The following PRICKLE2 variants were observed in gnomAD, a reference collection of about 807,000 sequenced individuals.
The protein encoded by PRICKLE2 is prickle-like protein 2.
A neutral mutation model predicts 81.4 loss-of-function variants in PRICKLE2; 21 were observed. The observed-to-expected ratio is 0.26, with a 90% CI of 0.18 to 0.37. PRICKLE2 has a LOEUF of 0.37. Ranked by LOEUF, PRICKLE2 falls within the 10% of genes least tolerant of loss-of-function variation. PRICKLE2 has a pLI of 1.00. For synonymous variants in PRICKLE2, 456 were observed against 421.5 expected, an observed-to-expected ratio of 1.08 and a Z score of -1.00; for missense variants, 940 against 1,109.0, an observed-to-expected ratio of 0.85 and a Z score of 2.16.
rs575740597 is a variant in PRICKLE2 at position 64,152,028 on chromosome 3, G to A, written c.787+1154C>T. 1.8e-4 allele frequency among the ~76,000 whole-genome samples: 28 copies of A among 152,302 alleles called. 1 individual carries two copies. The highest frequency in any genetic ancestry group is 4.8e-4 in the African/African-American group (20 of 41,572). ...AATGACAAAGCACCGTTGAGCACAC[G>A]CTAGCTGTCTTGTCCACAAAGCCAG... On this transcript the variant is annotated intron_variant, in intron 6 of 7. Transcript: ENST00000638394.
intron 2 of PRICKLE2, among the ~76,000 whole-genome samples, chr3:64,250,308 T>C (rs747150174): frequency 6.6e-6 from 1 of 152,248 alleles, no homozygotes; most frequent in Non-Finnish European, 1.5e-5. Context: ...CTCTGACTTC[T>C]ACCTATTAGA....
chr3:64,258,460 G>T (rs922798206), intron 2 of PRICKLE2, among the ~76,000 whole-genome samples: 13 of 152,108 alleles, frequency 8.5e-5, no homozygotes, highest in Non-Finnish European at 1.8e-4. Flanking sequence ...AGGCAGCCAG[G>T]TATGCAAGAG....
chr3:64,259,780 A>G (rs893251416), intron 2 of PRICKLE2, among the ~76,000 whole-genome samples: 2 of 152,166 alleles, frequency 1.3e-5, no homozygotes, highest in African/African-American at 4.8e-5. Flanking sequence ...TGCGGCTGTA[A>G]CCATGGAAAG....
chr3:64,202,645 CGTGTGTGT>C (rs71099794), intron 1 of PRICKLE2, among the ~76,000 whole-genome samples: 8 of 149,324 alleles, frequency 5.4e-5, no homozygotes, highest in East Asian at 3.9e-4. Flanking sequence ...TACTTGTGTG[CGTGTGTGT>C]GTGTGTGTGT....
At chr3:64,221,334 A>G (rs1453695263) in intron 1 of PRICKLE2, among the ~76,000 whole-genome samples, 5 of 152,010 alleles carry the variant, frequency 3.3e-5, no homozygotes, top group Admixed American at 2.6e-4. Context: ...AACTGCTCAG[A>G]CAATAGGCCA....
At chr3:64,266,562 T>G (rs1409755593) in intron 2 of PRICKLE2, among the ~76,000 whole-genome samples, 1 of 152,172 alleles carries the variant, frequency 6.6e-6, no homozygotes, top group East Asian at 1.9e-4. Flanking sequence ...CATATATAAA[T>G]TCTTCACTGC....
Position 64,099,595 on chromosome 3 carries a change from G to A in PRICKLE2, c.1991C>T (p.Pro664Leu). 6.2e-7 allele frequency: 1 copy of A among 1,613,864 alleles called. No individual in the cohort carries two copies. The highest frequency in any genetic ancestry group is 8.5e-7 in the Non-Finnish European group (1 of 1,180,024). ...TCTTCTCCGGGTGCGTTCACTCATG[G>A]GCTGGATCCTCACGCCCTCCTGCCC... ...LPGQEGVRIQPMSERTRRRAT... is the reference protein window; with the variant it reads ...LPGQEGVRIQLMSERTRRRAT... Residue 664 changes from proline to leucine, a missense_variant, in exon 8 of 8, where the codon CCC (proline) becomes CTC (leucine). Physicochemically the swap from Pro to Leu is moderately conservative, Grantham distance 98. Around this residue, in one of 2 missense-constraint regions of PRICKLE2, gnomAD observed 670 missense variants for 717.2 expected, o/e 0.93. Transcript: ENST00000638394. This position sits in a 1 kb window ranked among gnomAD's most constrained non-coding sequence, Gnocchi z 4.3.
rs767729799 is a variant in PRICKLE2 at position 64,147,185 on chromosome 3, A to G, written c.1305T>C (p.Ala435=). ...RTSYSPGGQG[A]GAQPEMWGKH... is the part of the protein sequence containing the mutation. ...TGCCCCACATTTCGGGCTGGGCCCC[A>G]GCCCCTTGCCCTCCTGGACTGTAGG... The change falls in exon 7 of 8, where the codon GCT becomes GCC. Residue 435 remains alanine, a synonymous_variant. Coordinates refer to ENST00000638394, the MANE Select transcript of PRICKLE2 (RefSeq NM_198859.4). This position sits in a 1 kb window ranked among gnomAD's most constrained non-coding sequence, Gnocchi z 5.0. 6.2e-7 allele frequency: 1 copy of G among 1,613,806 alleles called. No individual in the cohort carries two copies. The highest frequency in any genetic ancestry group is 1.1e-5 in the South Asian group (1 of 91,028).
chr3:64,258,869 G>GAAAGAAAT (rs2079572369), intron 2 of PRICKLE2, among the ~76,000 whole-genome samples: 1 of 143,846 alleles, frequency 7.0e-6, no homozygotes, highest in Non-Finnish European at 1.5e-5. Context: ...AAGAAAGAAA[G>GAAAGAAAT]AAAGAAAGAA....
At chr3:64,181,152 G>C (rs1409457526) in intron 2 of PRICKLE2, among the ~76,000 whole-genome samples, 2 of 152,118 alleles carry the variant, frequency 1.3e-5, no homozygotes, top group Non-Finnish European at 2.9e-5. Flanking sequence ...ATTAGTCTCA[G>C]GCCATTCACT....
chr3:64,177,625 G>C (rs754337106), intron 2 of PRICKLE2, among the ~76,000 whole-genome samples: 2 of 152,058 alleles, frequency 1.3e-5, no homozygotes, highest in Non-Finnish European at 2.9e-5. Flanking sequence ...CTGTCTCTAT[G>C]AGTCTGCCTA....
At chr3:64,159,813 T>A in intron 4 of PRICKLE2, 127 bp downstream of exon 4, 1 of 1,230,958 alleles carries the variant, frequency 8.1e-7, no homozygotes, top group Non-Finnish European at 1.2e-6. Context: ...GATGAAACTT[T>A]CCCGTCTTTT....
rs550384726 is a variant in PRICKLE2 at position 64,147,300 on chromosome 3, C to T, written c.1190G>A (p.Arg397Gln). 1.7e-5 allele frequency: 27 copies of T among 1,613,566 alleles called. 1 individual carries two copies. Among genetic ancestry groups the T allele is most frequent in the East Asian group, 6.7e-5 (3 of 44,858 alleles). The change falls in exon 7 of 8, where the codon CGG becomes CAG. Residue 397 changes from arginine to glutamine, a missense_variant. Coordinates refer to ENST00000638394, the MANE Select transcript of PRICKLE2 (RefSeq NM_198859.4). The surrounding 1 kb of genome is among the most constrained non-coding windows in gnomAD (Gnocchi z 5.0). Reference protein sequence around the residue: ...SLNRDPIWRSREEPYHYGNKM... With the variant: ...SLNRDPIWRSQEEPYHYGNKM... ...GTTCCCATAATGGTAGGGCTCTTCC[C>T]GGCTCCTCCAGATGGGGTCCCGGTT...
intron 1 of PRICKLE2, among the ~76,000 whole-genome samples, chr3:64,210,405 A>G (rs1303169644): frequency 6.6e-6 from 1 of 152,142 alleles, no homozygotes; most frequent in Non-Finnish European, 1.5e-5. Flanking sequence ...AGAAAGGAAA[A>G]ATGGTTTCCT....
At chr3:64,115,119 GA>G (rs1042721247) in intron 7 of PRICKLE2, among the ~76,000 whole-genome samples, 12 of 152,096 alleles carry the variant, frequency 7.9e-5, no homozygotes, top group African/African-American at 2.9e-4. Flanking sequence ...AAGCAAAGGA[GA>G]AATAAGATCC....
chr3:64,136,703 G>A (rs1456380007), intron 7 of PRICKLE2, among the ~76,000 whole-genome samples: 1 of 152,010 alleles, frequency 6.6e-6, no homozygotes, highest in Non-Finnish European at 1.5e-5. Context: ...ATGACCACTA[G>A]AACACTGTGG....
chr3:64,206,209 C>T (rs1418985719), intron 1 of PRICKLE2, among the ~76,000 whole-genome samples: 1 of 152,094 alleles, frequency 6.6e-6, no homozygotes, highest in African/African-American at 2.4e-5. Context: ...GAGGCAGGCT[C>T]AGGAATGTGC....
chr3:64,126,694 C>A (rs2077112441), intron 7 of PRICKLE2, among the ~76,000 whole-genome samples: 1 of 152,198 alleles, frequency 6.6e-6, no homozygotes, highest in Non-Finnish European at 1.5e-5. Context: ...TCTCCTGCCT[C>A]AGCCTCTTGA....
chr3:64,222,687 G>A (rs915478752), intron 1 of PRICKLE2, among the ~76,000 whole-genome samples: 22 of 152,278 alleles, frequency 1.4e-4, no homozygotes, highest in African/African-American at 5.1e-4. Context: ...ATTCAGCCTT[G>A]GAACTTCTGA....
Sources: allele counts gnomAD v4.1 joint callset (sites outside exome capture counted in the v4.1 genomes callset), GRCh38; gene constraint gnomAD v4.1.1; regional missense constraint gnomAD v4.1.1; non-coding constraint Gnocchi (gnomAD v3.1); transcripts MANE v1.5; gene names NCBI Gene and HGNC (gene_info 2026-07-23, HGNC 2026-07-21).